The following SEMA4B variants were observed in gnomAD, a reference collection of about 807,000 sequenced individuals.
SEMA4B encodes semaphorin 4B.
In SEMA4B, 55 loss-of-function variants were observed where a neutral mutation model predicts 88.1. The observed-to-expected ratio is 0.62, with a 90% CI of 0.50 to 0.78. SEMA4B has a LOEUF of 0.78. SEMA4B is among the 30% of genes least tolerant of loss of function. The pLI is 0.00. For missense variants in SEMA4B, 1,062 were observed against 1,111.9 expected (o/e 0.96, Z 0.64); for synonymous variants, 525 against 473.6 (o/e 1.11, Z -1.41).
At chr15:90,202,549 C>T (rs946589723) in intron 1 of SEMA4B, among the ~76,000 whole-genome samples, 1 of 152,202 alleles carries the variant, frequency 6.6e-6, no homozygotes, top group African/African-American at 2.4e-5. Context: ...TCTTGGGGCA[C>T]TTGGGCTTTA....
At chr15:90,201,765 C>CG (rs1352164440) in intron 1 of SEMA4B, 30 bp downstream of exon 1, 1 of 1,380,768 alleles carries the variant, frequency 7.2e-7, no homozygotes, top group Non-Finnish European at 9.3e-7. Context: ...GGACGCGGGC[C>CG]GGGGGAAGGA....
At chr15:90,204,780 AT>A (rs1433844399) in intron 1 of SEMA4B, among the ~76,000 whole-genome samples, 1 of 151,962 alleles carries the variant, frequency 6.6e-6, no homozygotes, top group Admixed American at 6.6e-5. Context: ...GGGAGTTATT[AT>A]TATTGTTATT....
chr15:90,206,733 A>G (rs1428709597), intron 1 of SEMA4B: 6 of 759,644 alleles, frequency 7.9e-6, no homozygotes, highest in Non-Finnish European at 1.4e-5. Flanking sequence ...CTTGCATCCA[A>G]CGGTGATGAG....
intron 12 of SEMA4B, chr15:90,227,273 C>A: frequency 2.7e-6 from 1 of 370,970 alleles, no homozygotes; most frequent in Non-Finnish European, 4.9e-6. Context: ...TCTTGAATTC[C>A]TGGGCTCAAG....
Position 90,202,366 on chromosome 15 carries a change from G to C in SEMA4B, c.157+631G>C, listed in dbSNP as rs1356033953. Among the ~76,000 whole-genome samples, 2 of 152,190 alleles carry C rather than the reference G, an allele frequency of 1.3e-5. 1 individual carries two copies. Among genetic ancestry groups the C allele is most frequent in the Non-Finnish European group, 2.9e-5 (2 of 68,028 alleles). ...ACTGCGGATGGGGGCAGCTCTGGGC[G>C]CTGACATTCCCAAGTCCTGGGCGCG... On this transcript the variant is annotated intron_variant, in intron 1 of 13. Coordinates refer to ENST00000411539, the MANE Select transcript of SEMA4B (RefSeq NM_198925.4).
rs1286801419 is a variant in SEMA4B, at chr15:90,201,674, G to A, written c.96G>A (p.Leu32=). The A allele has an allele frequency of 6.6e-7, 1 of 1,515,064 alleles. No homozygotes were observed. Among genetic ancestry groups the A allele is most frequent in the South Asian group, 1.2e-5 (1 of 82,248 alleles). The allele number at this position is 1,515,064 out of a possible 1,614,324, so 93.9% of individuals were successfully genotyped here. A position where few individuals can be genotyped will look rare whatever the true frequency, so the allele number is the denominator to read the frequency against. The change falls in exon 1 of 14, where the codon CTG becomes CTA. Residue 32 remains leucine, a synonymous_variant. Transcript: ENST00000411539. ...RPPLLLLLLL[L]LLLQPPPPTW... Reference sequence around the variant, plus strand: ...CGCTGCTGCTGCTCCTGCTGCTGCTGCTCCTGCTGCAGCCGCCGCCTCCGA... The same window carrying A: ...CGCTGCTGCTGCTCCTGCTGCTGCTACTCCTGCTGCAGCCGCCGCCTCCGA...
chr15:90,225,092 T>C lies in SEMA4B; in HGVS notation c.1319T>C (p.Leu440Pro), dbSNP rs778454201. ...DGQVRSRMLL[L>P]QPQARYQRVA... is the part of the protein sequence containing the mutation. The stretch of plus-strand genomic sequence containing the variant: ...CAGGTCCGAAGCCGCATGCTGCTGC[T>C]GCAGCCCCAGGCTCGCTACCAGCGC... Residue 440 changes from leucine to proline, a missense_variant, in exon 10 of 14, where the codon CTG becomes CCG. Transcript: ENST00000411539. The C allele has an allele frequency of 6.2e-6, 10 of 1,613,782 alleles. No individual in the cohort carries two copies. The highest frequency in any genetic ancestry group is 1.7e-5 in the Admixed American group (1 of 60,002).
intron 1 of SEMA4B, among the ~76,000 whole-genome samples, chr15:90,189,038 A>G (rs897825651): frequency 6.6e-6 from 1 of 152,176 alleles, no homozygotes; most frequent in African/African-American, 2.4e-5. Flanking sequence ...GGCAGCAACC[A>G]CGTCAGTTTC....
Position 90,212,742 on chromosome 15 carries a change from TAGAC to T in SEMA4B, c.158-4694_158-4691del, listed in dbSNP as rs1207243278. 3.9e-5 allele frequency among the ~76,000 whole-genome samples: 6 copies of T among 152,170 alleles called. No individual in the cohort carries two copies. Among genetic ancestry groups the T allele is most frequent in the Admixed American group, 2.6e-4 (4 of 15,292 alleles). Reference sequence around the variant, plus strand: ...GAGGTGACCCAAGCACCTGGGCCCTTAGACAGTAACACCACTCACACCGAGCACA... The same window carrying T: ...GAGGTGACCCAAGCACCTGGGCCCTTAGTAACACCACTCACACCGAGCACA... On this transcript the variant is annotated intron_variant, in intron 1 of 13. Coordinates refer to ENST00000411539, the MANE Select transcript of SEMA4B (RefSeq NM_198925.4). The surrounding 1 kb of genome is among the most constrained non-coding windows in gnomAD (Gnocchi z 4.0).
chr15:90,208,186 A>T (rs1231163767), intron 1 of SEMA4B, among the ~76,000 whole-genome samples: 2 of 151,986 alleles, frequency 1.3e-5, no homozygotes, highest in East Asian at 3.9e-4. Context: ...CCTGGGAGAC[A>T]GGGGTTGCAG....
In SEMA4B at chr15:90,225,839, C is replaced by T; in HGVS notation, c.1688+12C>T. On this transcript the variant is annotated intron_variant, in intron 12 of 13. Transcript: ENST00000411539. Reference sequence around the variant, plus strand: ...CAGCTGGCCACCAGGTGAGCACTCCCAAAGGCCCCTTCCCATCTGTCCAGC... The same window carrying T: ...CAGCTGGCCACCAGGTGAGCACTCCTAAAGGCCCCTTCCCATCTGTCCAGC... 2.0e-6 allele frequency: 3 copies of T among 1,506,820 alleles called. No individual in the cohort carries two copies. The highest frequency in any genetic ancestry group is 2.0e-5 in the Admixed American group (1 of 50,074). The allele number at this position is 1,506,820 out of a possible 1,614,324, so 93.3% of individuals were successfully genotyped here.
At chr15:90,217,886 T>G in intron 3 of SEMA4B, 57 bp downstream of exon 3, 2 of 1,484,582 alleles carry the variant, frequency 1.3e-6, no homozygotes, top group Non-Finnish European at 1.9e-6. Flanking sequence ...GTGGTGGACT[T>G]CCATCCAGGC....
Position 90,201,557 on chromosome 15 carries a change from C to T in SEMA4B, c.-22C>T. 1.4e-6 allele frequency: 2 copies of T among 1,448,604 alleles called. No individual in the cohort carries two copies. Among genetic ancestry groups the T allele is most frequent in the Non-Finnish European group, 1.8e-6 (2 of 1,105,344 alleles). 89.7% of individuals were successfully genotyped at this position (1,448,604 alleles called of 1,614,324 possible). On this transcript the variant is annotated 5_prime_UTR_variant, in exon 1 of 14. Transcript: ENST00000411539. ...AGCCACCTGAGCCCGAGCCGCGGGA[C>T]ACCGTCGCTCCTGCTCTCCGAATGC...
chr15:90,216,744 C>T (rs751966374), intron 1 of SEMA4B, among the ~76,000 whole-genome samples: 37 of 152,052 alleles, frequency 2.4e-4, no homozygotes, highest in Non-Finnish European at 5.1e-4. Context: ...CTTGGGAGGC[C>T]GAGGCAGGAG....
chr15:90,201,278 G>C (rs1284439734), upstream of SEMA4B: 1 of 1,095,994 alleles, frequency 9.1e-7, no homozygotes, highest in African/African-American at 1.6e-5. Flanking sequence ...GGGGAAGGGG[G>C]CGGGCCGGCC....
intron 9 of SEMA4B, among the ~76,000 whole-genome samples, chr15:90,224,568 C>T (rs920970278): frequency 5.9e-5 from 9 of 152,192 alleles, no homozygotes; most frequent in Non-Finnish European, 1.0e-4. Flanking sequence ...GTGTGGAGCA[C>T]CTCTCAGAAT....
intron 1 of SEMA4B, among the ~76,000 whole-genome samples, chr15:90,189,152 C>T (rs1596113388): frequency 6.8e-6 from 1 of 147,098 alleles, no homozygotes; most frequent in Non-Finnish European, 1.5e-5. Context: ...AGGAAGTGAG[C>T]GAGGGCAGGA....
upstream of SEMA4B, among the ~76,000 whole-genome samples, chr15:90,200,225 GCT>G (rs1009580223): frequency 1.4e-4 from 21 of 152,224 alleles, 2 homozygotes; most frequent in Admixed American, 1.2e-3. Flanking sequence ...GAAAAGAGGT[GCT>G]CTGAGGAGGC....
chr15:90,204,734 A>G (rs560545551), intron 1 of SEMA4B, among the ~76,000 whole-genome samples: 1 of 152,170 alleles, frequency 6.6e-6, no homozygotes, highest in South Asian at 2.1e-4. Flanking sequence ...ATGGCCCTCC[A>G]AAGTCTTTTT....
Sources: allele counts gnomAD v4.1 joint callset (sites outside exome capture counted in the v4.1 genomes callset), GRCh38; gene constraint gnomAD v4.1.1; non-coding constraint Gnocchi (gnomAD v3.1); transcripts MANE v1.5; gene names NCBI Gene and HGNC (gene_info 2026-07-23, HGNC 2026-07-21).